Variants in CCNY observed in about 807,000 individuals in gnomAD.
CCNY encodes cyclin-Y.
In CCNY, 19 loss-of-function variants were observed where a neutral mutation model predicts 42.8. The observed-to-expected ratio is 0.44, with a 90% CI of 0.31 to 0.65. CCNY has a LOEUF of 0.65. Ranked by LOEUF, CCNY falls within the 30% of genes least tolerant of loss-of-function variation. The pLI, the probability that CCNY is intolerant of heterozygous loss-of-function variation, is 0.07. For synonymous variants in CCNY, 165 were observed against 162.7 expected, an observed-to-expected ratio of 1.01 and a Z score of -0.11; for missense variants, 370 against 437.3, an observed-to-expected ratio of 0.85 and a Z score of 1.37.
chr10:35,550,221 T>G (rs912365052), intron 7 of CCNY, among the ~76,000 whole-genome samples: 2 of 150,818 alleles, frequency 1.3e-5, no homozygotes, highest in Non-Finnish European at 2.9e-5. Flanking sequence ...GACCCTGCAC[T>G]GCTCATGGCC....
chr10:35,479,235 A>G (rs1350166390), intron 1 of CCNY, among the ~76,000 whole-genome samples: 1 of 151,796 alleles, frequency 6.6e-6, no homozygotes, highest in Non-Finnish European at 1.5e-5. Flanking sequence ...ATACCATTTG[A>G]CCCAGCCATC....
At chr10:35,337,562 C>T (rs1836074507) in intron 1 of CCNY, among the ~76,000 whole-genome samples, 1 of 152,194 alleles carries the variant, frequency 6.6e-6, no homozygotes, top group African/African-American at 2.4e-5. Flanking sequence ...CCCGGCACTA[C>T]CTGAATGCAG....
intron 7 of CCNY, among the ~76,000 whole-genome samples, chr10:35,545,488 C>T (rs1197410356): frequency 6.6e-6 from 1 of 152,212 alleles, no homozygotes; most frequent in African/African-American, 2.4e-5. Context: ...GCAGCGTTCT[C>T]CTGTGTGCAT....
At chr10:35,441,871 TATTA>T (rs577806780) in intron 1 of CCNY, among the ~76,000 whole-genome samples, 58 of 152,374 alleles carry the variant, frequency 3.8e-4, no homozygotes, top group African/African-American at 1.3e-3. Flanking sequence ...GTTAATTACG[TATTA>T]ATTGTAAAAT....
intron 1 of CCNY, among the ~76,000 whole-genome samples, chr10:35,408,319 C>T (rs1837828019): frequency 6.6e-6 from 1 of 152,142 alleles, no homozygotes; most frequent in Non-Finnish European, 1.5e-5. Flanking sequence ...TGTGAAGAGA[C>T]CACAAAACAG....
chr10:35,368,742 C>T (rs1012693594), intron 1 of CCNY, among the ~76,000 whole-genome samples: 3 of 137,096 alleles, frequency 2.2e-5, no homozygotes, highest in East Asian at 1.9e-4. Context: ...ATAGGAGTGC[C>T]CTTCCAACTT....
At chr10:35,382,889 A>T (rs992007801) in intron 1 of CCNY, among the ~76,000 whole-genome samples, 1 of 152,126 alleles carries the variant, frequency 6.6e-6, no homozygotes, top group African/African-American at 2.4e-5. Flanking sequence ...AAGGTAAAAA[A>T]CAAACAAACA....
chr10:35,357,923 AT>A (rs75943974), intron 1 of CCNY, among the ~76,000 whole-genome samples: 8 of 148,244 alleles, frequency 5.4e-5, no homozygotes, highest in Admixed American at 6.7e-5. Context: ...TTAATCTATT[AT>A]TTTTTTTTTG....
intron 3 of CCNY, among the ~76,000 whole-genome samples, chr10:35,279,178 C>T (rs1183198960): frequency 2.1e-5 from 3 of 145,708 alleles, no homozygotes; most frequent in Non-Finnish European, 4.5e-5. Flanking sequence ...TGCAGTGGCA[C>T]AATTTTGGCT....
At chr10:35,491,648 C>G (rs1244766251) in intron 2 of CCNY, among the ~76,000 whole-genome samples, 12 of 152,138 alleles carry the variant, frequency 7.9e-5, no homozygotes, top group Admixed American at 7.2e-4. Flanking sequence ...TTGAGACGCT[C>G]TGTCGCCCAG....
chr10:35,508,165 T>C (rs756991341), intron 3 of CCNY, among the ~76,000 whole-genome samples: 3 of 152,226 alleles, frequency 2.0e-5, no homozygotes, highest in Non-Finnish European at 4.4e-5. Flanking sequence ...ATGGTGGTTT[T>C]CCAGCCCTAC....
At chr10:35,435,998 C>T (rs1298787150) in intron 1 of CCNY, among the ~76,000 whole-genome samples, 5 of 151,764 alleles carry the variant, frequency 3.3e-5, no homozygotes, top group South Asian at 2.1e-4. Context: ...GAAGGAAGTT[C>T]GGTTATGAAA....
In CCNY at chr10:35,465,961, C is replaced by CTGTG. The variant is rs68166048; in HGVS notation, c.155-17427_155-17424dup. 4.6e-4 allele frequency among the ~76,000 whole-genome samples: 44 copies of CTGTG among 94,686 alleles called. No individual in the cohort carries two copies. In the South Asian group the frequency reaches 5.1e-3, roughly 11 times the overall value. The allele number at this position is 94,686 out of a possible 152,430, so 62.1% of individuals were successfully genotyped here. A position where few individuals can be genotyped will look rare whatever the true frequency, so the allele number is the denominator to read the frequency against. Reference sequence around the variant, plus strand: ...AGAGTGTGTGTGTGTGTGTGTGTGTCTGTGTGTGTGTGTGTGTGTCTGTGT... The same window carrying CTGTG: ...AGAGTGTGTGTGTGTGTGTGTGTGTCTGTGTGTGTGTGTGTGTGTGTGTCTGTGT... On this transcript the variant is annotated intron_variant, in intron 1 of 9. Coordinates refer to ENST00000374704, the MANE Select transcript of CCNY (RefSeq NM_145012.6).
chr10:35,510,241 G>T (rs770949641), intron 3 of CCNY, among the ~76,000 whole-genome samples: 7 of 151,990 alleles, frequency 4.6e-5, no homozygotes, highest in Admixed American at 3.9e-4. Flanking sequence ...GTGAGACAAG[G>T]TTTCACTCTG....
intron 1 of CCNY, chr10:35,394,743 G>T: frequency 2.0e-6 from 1 of 499,098 alleles, no homozygotes; most frequent in Non-Finnish European, 2.6e-6. Flanking sequence ...TTGTTTTTAG[G>T]GCATGTTTTT....
chr10:35,447,992 A>T (rs1209050978), intron 1 of CCNY, among the ~76,000 whole-genome samples: 1 of 152,190 alleles, frequency 6.6e-6, no homozygotes, highest in African/African-American at 2.4e-5. Context: ...GTTTTCAGCT[A>T]TCAGAAAGGC....
chr10:35,318,677 T>G (rs930076370), intron 3 of CCNY, among the ~76,000 whole-genome samples: 1 of 152,052 alleles, frequency 6.6e-6, no homozygotes, highest in African/African-American at 2.4e-5. Context: ...TTTGTTTCTA[T>G]GGAAGGATCT....
intron 7 of CCNY, among the ~76,000 whole-genome samples, chr10:35,543,706 A>G (rs1472001792): frequency 7.0e-6 from 1 of 142,612 alleles, no homozygotes; most frequent in Non-Finnish European, 1.6e-5. Flanking sequence ...TACTTATTTT[A>G]AAAAAAAAAA....
At chr10:35,264,171 A>T (rs1730539635) in intron 3 of CCNY, among the ~76,000 whole-genome samples, 1 of 152,118 alleles carries the variant, frequency 6.6e-6, no homozygotes, top group Non-Finnish European at 1.5e-5. Context: ...TAATAGAATG[A>T]TTTATATTCC....
Sources: allele counts gnomAD v4.1 joint callset (sites outside exome capture counted in the v4.1 genomes callset), GRCh38; gene constraint gnomAD v4.1.1; transcripts MANE v1.5; gene names NCBI Gene and HGNC (gene_info 2026-07-23, HGNC 2026-07-21).